Variants in SUSD5 observed in about 807,000 individuals in gnomAD.
SUSD5 encodes the protein sushi domain containing 5.
SUSD5 carries 33 observed loss-of-function variants against 29.5 expected under a neutral mutation model. The ratio of observed to expected loss-of-function variants is 1.12; its 90% CI spans 0.85 to 1.49. The LOEUF (loss-of-function observed/expected upper bound fraction) is 1.49, where lower values mean the gene tolerates loss of function less well. Ranked by LOEUF, SUSD5 falls within the 40% of genes most tolerant of loss-of-function variation. The probability of loss-of-function intolerance (pLI) is 0.00; values close to 1 mark genes in which losing one functional copy is unlikely to be tolerated. For missense variants in SUSD5, 776 were observed against 800.6 expected, an observed-to-expected ratio of 0.97 and a Z score of 0.37; for synonymous variants, 308 against 325.3, an observed-to-expected ratio of 0.95 and a Z score of 0.57.
At chr3:33,189,004 T>C (rs1022641248) in intron 3 of SUSD5, among the ~76,000 whole-genome samples, 1 of 152,198 alleles carries the variant, frequency 6.6e-6, no homozygotes, top group Non-Finnish European at 1.5e-5. Context: ...TGCCTTAAGA[T>C]AGTGATTTCC....
Position 33,153,501 on chromosome 3 carries a change from TGTCACAGG to T in SUSD5, c.1123_1130del (p.Pro375ArgfsTer26). The T allele has an allele frequency of 6.2e-7, 1 of 1,614,082 alleles. No homozygotes were observed. The highest frequency in any genetic ancestry group is 8.5e-7 in the Non-Finnish European group (1 of 1,179,996). On this transcript the variant is annotated frameshift_variant, in exon 5 of 5. Coordinates refer to ENST00000309558, the MANE Select transcript of SUSD5 (RefSeq NM_015551.2). LOFTEE classifies it low-confidence loss of function (END_TRUNC). ...CCTCTGTCTTCCTCCAAGCCCCCTCTGTCACAGGGTAGCCATCTAACCAGGACTCATCA... is the reference window on the plus strand; with the variant it reads ...CCTCTGTCTTCCTCCAAGCCCCCTCTGTAGCCATCTAACCAGGACTCATCA...
intron 4 of SUSD5, among the ~76,000 whole-genome samples, chr3:33,172,722 A>G (rs182509269): frequency 2.6e-5 from 4 of 152,392 alleles, no homozygotes; most frequent in African/African-American, 9.6e-5. Context: ...CAACAAGGCA[A>G]GTAGAAACAC....
At chr3:33,166,619 CT>C (rs1399230421) in intron 4 of SUSD5, among the ~76,000 whole-genome samples, 2 of 152,166 alleles carry the variant, frequency 1.3e-5, no homozygotes, top group Non-Finnish European at 2.9e-5. Flanking sequence ...CATGTCCCCC[CT>C]GCCTTTGTAT....
At chr3:33,205,974 C>A (rs986946990) in intron 3 of SUSD5, among the ~76,000 whole-genome samples, 3 of 152,210 alleles carry the variant, frequency 2.0e-5, no homozygotes, top group African/African-American at 7.2e-5. Context: ...AGAAGCCCTA[C>A]ATTATTTCTT....
At position 33,167,128 on chromosome 3, in the gene SUSD5, G is replaced by A. The variant is rs376842840; in HGVS notation, c.598+7758C>T. ...CGGGAGGCGGAGGGTGCAGTGAGCC[G>A]AGATCACACCACTGCACTCCAGCCT... On this transcript the variant is annotated intron_variant, in intron 4 of 4. Coordinates refer to ENST00000309558, the MANE Select transcript of SUSD5 (RefSeq NM_015551.2). The surrounding 1 kb of genome is among the most constrained non-coding windows in gnomAD (Gnocchi z 4.1). Among the ~76,000 whole-genome samples, 4 of 150,978 alleles carry A rather than the reference G, an allele frequency of 2.6e-5. No individual in the cohort carries two copies. The highest frequency in any genetic ancestry group is 1.9e-4 in the East Asian group (1 of 5,134).
At chr3:33,208,856 T>C (rs942702461) in intron 2 of SUSD5, among the ~76,000 whole-genome samples, 42 of 152,202 alleles carry the variant, frequency 2.8e-4, no homozygotes, top group African/African-American at 9.4e-4. Context: ...TAGTATCCAG[T>C]GTTACTGTTA....
intron 4 of SUSD5, among the ~76,000 whole-genome samples, chr3:33,171,344 T>C (rs2031422799): frequency 7.6e-6 from 1 of 131,570 alleles, no homozygotes. Context: ...AGACTCCTTC[T>C]TAAAAAAAAA....
chr3:33,187,472 G>T (rs536593150), intron 3 of SUSD5, among the ~76,000 whole-genome samples: 1 of 152,164 alleles, frequency 6.6e-6, no homozygotes, highest in African/African-American at 2.4e-5. Context: ...AGTGCTATGC[G>T]TTAACACAAC....
intron 4 of SUSD5, among the ~76,000 whole-genome samples, chr3:33,159,824 G>A (rs139967076): frequency 1.1e-4 from 17 of 152,148 alleles, no homozygotes; most frequent in African/African-American, 3.1e-4. Context: ...GCAACCTCAC[G>A]AAAAGGGAAT....
chr3:33,175,178 C>A (rs1255912980), intron 3 of SUSD5, 104 bp from the exon 4 acceptor site: 14 of 1,238,830 alleles, frequency 1.1e-5, no homozygotes, highest in Non-Finnish European at 1.6e-5. Context: ...GCCCACCGTA[C>A]CCTCAACTGT....
At chr3:33,171,357 G>A (rs2031423607) in intron 4 of SUSD5, among the ~76,000 whole-genome samples, 1 of 144,570 alleles carries the variant, frequency 6.9e-6, no homozygotes, top group African/African-American at 2.5e-5. Context: ...AAAAAAAAAA[G>A]GGTATTATGG....
intron 3 of SUSD5, among the ~76,000 whole-genome samples, chr3:33,180,022 T>C (rs1437445865): frequency 6.6e-6 from 1 of 152,230 alleles, no homozygotes. Context: ...GCACATACAA[T>C]TATGTACAGT....
At position 33,153,766 on chromosome 3, in the gene SUSD5, A is replaced by G. The variant is rs745510026; in HGVS notation, c.866T>C (p.Leu289Pro). Residue 289 changes from leucine to proline, a missense_variant, in exon 5 of 5, where the codon CTC becomes CCC. Physicochemically the swap from Leu to Pro is moderately conservative, Grantham distance 98 (BLOSUM62 -3). Transcript: ENST00000309558. The stretch of plus-strand genomic sequence containing the variant: ...AGGAAACCAGAACAAGTGCTTCTGG[A>G]GCAGCCGTGATCCTGGTGAATCTGC... Reference protein sequence around the residue: ...VPADSPGSRLLQKHLFWFPAE... With the variant: ...VPADSPGSRLPQKHLFWFPAE... 1.9e-6 allele frequency: 3 copies of G among 1,613,922 alleles called. No homozygotes were observed. Among genetic ancestry groups the G allele is most frequent in the African/African-American group, 2.7e-5 (2 of 74,932 alleles).
chr3:33,214,541 G>C (rs1189687508), intron 1 of SUSD5, among the ~76,000 whole-genome samples: 1 of 152,050 alleles, frequency 6.6e-6, no homozygotes, highest in African/African-American at 2.4e-5. Context: ...ACAACAGGTT[G>C]CTTCCCTTCT....
chr3:33,209,732 T>C (rs2032288495), intron 2 of SUSD5, among the ~76,000 whole-genome samples: 1 of 151,894 alleles, frequency 6.6e-6, no homozygotes, highest in Admixed American at 6.6e-5. Context: ...ATTTAAACTT[T>C]GAACTCCTTG....
intron 4 of SUSD5, among the ~76,000 whole-genome samples, chr3:33,165,318 G>A (rs1220748308): frequency 1.3e-5 from 2 of 152,174 alleles, no homozygotes; most frequent in Non-Finnish European, 2.9e-5. Flanking sequence ...GTGGGCGAAT[G>A]TAATTTATTA....
intron 1 of SUSD5, among the ~76,000 whole-genome samples, chr3:33,214,837 C>T (rs1227523831): frequency 1.3e-5 from 2 of 152,070 alleles, no homozygotes; most frequent in African/African-American, 2.4e-5. Flanking sequence ...TCCCCAGGAG[C>T]CTCCTGGAGG....
At chr3:33,172,399 CTCAT>C (rs1379620799) in intron 4 of SUSD5, among the ~76,000 whole-genome samples, 1 of 152,216 alleles carries the variant, frequency 6.6e-6, no homozygotes, top group Non-Finnish European at 1.5e-5. Context: ...GCATTTAGTG[CTCAT>C]TCAACTAGGG....
In SUSD5 at chr3:33,150,252, A is replaced by G. The variant is rs775733311; in HGVS notation, c.*2490T>C. On this transcript the variant is annotated 3_prime_UTR_variant, in exon 5 of 5. Coordinates refer to ENST00000309558, the MANE Select transcript of SUSD5 (RefSeq NM_015551.2). ...GAGGATACCACACCAATAAGAACTTAAAAACTGATGTGTTGGGTTTATTTC... is the reference window on the plus strand; with the variant it reads ...GAGGATACCACACCAATAAGAACTTGAAAACTGATGTGTTGGGTTTATTTC... 6.6e-6 allele frequency: 1 copy of G among 152,188 alleles called. No individual in the cohort carries two copies. The highest frequency in any genetic ancestry group is 1.5e-5 in the Non-Finnish European group (1 of 68,026). 9.4% of individuals were successfully genotyped at this position (152,188 alleles called of 1,614,324 possible). A position where few individuals can be genotyped will look rare whatever the true frequency, so the allele number is the denominator to read the frequency against.
Sources: allele counts gnomAD v4.1 joint callset (sites outside exome capture counted in the v4.1 genomes callset), GRCh38; gene constraint gnomAD v4.1.1; non-coding constraint Gnocchi (gnomAD v3.1); transcripts MANE v1.5; gene names NCBI Gene and HGNC (gene_info 2026-07-23, HGNC 2026-07-21).